Variants in ACTR3C observed in about 807,000 individuals in gnomAD.
The protein encoded by ACTR3C is actin related protein 3C, also known as actin-related protein 3C.
In ACTR3C, 18 loss-of-function variants were observed where a neutral mutation model predicts 26.3. The observed-to-expected ratio is 0.68, with a 90% CI of 0.47 to 1.01. The LOEUF is 1.01. Ranked by LOEUF, ACTR3C falls within the 50% of genes least tolerant of loss-of-function variation. The pLI is 0.00. For synonymous variants in ACTR3C, 55 were observed against 94.5 expected, an observed-to-expected ratio of 0.58 and a Z score of 2.42; for missense variants, 184 against 250.7, an observed-to-expected ratio of 0.73 and a Z score of 1.80.
chr7:150,019,561 C>T, the ACTR3C span, among the ~76,000 whole-genome samples: 147,269 of 149,196 alleles, frequency 0.99, 72,736 homozygotes, highest in East Asian at 1. Flanking sequence ...CACTGCACTC[C>T]AGCCTGGTGA....
At chr7:150,192,651 C>G in the ACTR3C span, among the ~76,000 whole-genome samples, 6 of 152,222 alleles carry the variant, frequency 3.9e-5, no homozygotes, top group African/African-American at 1.4e-4. Context: ...ACCCTCTGTT[C>G]CTGAAGTTTC....
chr7:149,996,363 G>A, the ACTR3C span, among the ~76,000 whole-genome samples: 3 of 150,338 alleles, frequency 2.0e-5, no homozygotes, highest in African/African-American at 7.3e-5. Context: ...GGGGGATGGG[G>A]CGAATCATCC....
chr7:150,077,454 C>T, the ACTR3C span, among the ~76,000 whole-genome samples: 1 of 152,126 alleles, frequency 6.6e-6, no homozygotes, highest in African/African-American at 2.4e-5. Flanking sequence ...GGTAAGTCTG[C>T]ACCTTTGTCA....
At chr7:150,286,235 T>C (rs28527325) in intron 5 of ACTR3C, 132 bp downstream of exon 5, 114,696 of 1,218,954 alleles carry the variant, frequency 0.094, 11,621 homozygotes, top group African/African-American at 0.43. Flanking sequence ...ACAAACTGCA[T>C]GGGGGATGCA....
the ACTR3C span, among the ~76,000 whole-genome samples, chr7:150,137,126 T>C: frequency 6.6e-6 from 1 of 152,194 alleles, no homozygotes; most frequent in Non-Finnish European, 1.5e-5. Flanking sequence ...TGCAGCCCTG[T>C]TCCTCACAGG....
the ACTR3C span, among the ~76,000 whole-genome samples, chr7:149,929,583 G>A: frequency 1.4e-5 from 2 of 145,828 alleles, no homozygotes; most frequent in Non-Finnish European, 3.0e-5. Context: ...CCAGGCTGGA[G>A]TGCAGTGGCC....
the ACTR3C span, among the ~76,000 whole-genome samples, chr7:150,145,883 G>T: frequency 3.6e-5 from 5 of 138,810 alleles, no homozygotes; most frequent in African/African-American, 1.4e-4. Flanking sequence ...CAACACCTGT[G>T]GTTCCCTTCT....
the ACTR3C span, among the ~76,000 whole-genome samples, chr7:149,996,749 T>C: frequency 6.7e-6 from 1 of 148,290 alleles, no homozygotes; most frequent in Non-Finnish European, 1.5e-5. Context: ...CCTAAACCTG[T>C]TCCTTTCTCA....
At chr7:150,254,308 G>A (rs1833055914) in intron 6 of ACTR3C, among the ~76,000 whole-genome samples, 1 of 152,130 alleles carries the variant, frequency 6.6e-6, no homozygotes, top group African/African-American at 2.4e-5. Flanking sequence ...AATAAGAAAG[G>A]TAGACACATG....
chr7:150,318,701 G>A (rs1353177907), intron 1 of ACTR3C, among the ~76,000 whole-genome samples: 2 of 152,134 alleles, frequency 1.3e-5, no homozygotes, highest in African/African-American at 2.4e-5. Flanking sequence ...AGCCGAGATC[G>A]CACCACTGCG....
chr7:150,169,900 C>A, the ACTR3C span, among the ~76,000 whole-genome samples: 1 of 150,652 alleles, frequency 6.6e-6, no homozygotes, highest in Non-Finnish European at 1.5e-5. Context: ...TCTTTACTTT[C>A]CCCGTTTTCT....
chr7:150,097,141 C>T, the ACTR3C span, among the ~76,000 whole-genome samples: 1 of 151,884 alleles, frequency 6.6e-6, no homozygotes, highest in Non-Finnish European at 1.5e-5. Context: ...TCTTGGGGTG[C>T]TTGCATAGCA....
At chr7:150,267,214 C>T (rs1392817286) in intron 6 of ACTR3C, among the ~76,000 whole-genome samples, 1 of 152,350 alleles carries the variant, frequency 6.6e-6, no homozygotes, top group Non-Finnish European at 1.5e-5. Flanking sequence ...ACAGAGAACA[C>T]GCGGAGCACT....
At chr7:150,040,769 A>G in the ACTR3C span, 2 of 146,132 alleles carry the variant, frequency 1.4e-5, no homozygotes, top group African/African-American at 5.3e-5. Flanking sequence ...CAGTGGGGGA[A>G]GAGGGGCTGG....
chr7:150,165,496 A>G, the ACTR3C span, among the ~76,000 whole-genome samples: 9,943 of 146,974 alleles, frequency 0.068, 1,277 homozygotes, highest in African/African-American at 0.26. Flanking sequence ...GAAGTTCCAC[A>G]GTTTTCCACG....
chr7:150,187,292 C>G, the ACTR3C span, among the ~76,000 whole-genome samples: 1 of 151,294 alleles, frequency 6.6e-6, no homozygotes, highest in Non-Finnish European at 1.5e-5. Context: ...TTTGAAATAA[C>G]TTTAGACATT....
the ACTR3C span, among the ~76,000 whole-genome samples, chr7:150,142,836 G>GT: frequency 3.5e-5 from 5 of 141,198 alleles, no homozygotes; most frequent in African/African-American, 1.1e-4. Context: ...GCTTTTTTTT[G>GT]TTTTTGTTTT....
chr7:149,910,631 T>A, the ACTR3C span, among the ~76,000 whole-genome samples: 1 of 152,130 alleles, frequency 6.6e-6, no homozygotes, highest in South Asian at 2.1e-4. Flanking sequence ...TAATGCTTAT[T>A]ATTATTATTT....
At chr7:150,047,070 G>A in the ACTR3C span, among the ~76,000 whole-genome samples, 1 of 151,786 alleles carries the variant, frequency 6.6e-6, no homozygotes, top group South Asian at 2.1e-4. Context: ...CACCGCTGGG[G>A]GGAAAAAGTG....
Sources: gnomAD v4.1 joint callset for allele counts (sites outside exome capture counted in the v4.1 genomes callset) on GRCh38, gnomAD v4.1.1 for gene constraint, MANE v1.5 for transcripts, NCBI Gene and HGNC (gene_info 2026-07-23, HGNC 2026-07-21) for gene names.